The following ZNF282 variants were observed in gnomAD, a reference collection of about 807,000 sequenced individuals.
ZNF282 encodes the protein zinc finger protein 282, also known as HTLV-I U5 repressive element-binding protein 1.
ZNF282 carries 30 observed loss-of-function variants against 61.9 expected under a neutral mutation model. The observed-to-expected ratio is 0.48, with a 90% CI of 0.36 to 0.66. The LOEUF (loss-of-function observed/expected upper bound fraction) is 0.66. Ranked by LOEUF, ZNF282 falls within the 30% of genes least tolerant of loss-of-function variation. ZNF282 has a pLI of 0.00. For synonymous variants in ZNF282, 396 were observed against 405.0 expected (o/e 0.98, Z 0.27); for missense variants, 788 against 941.4 (o/e 0.84, Z 2.13).
chr7:149,215,008 T>G (rs1254650507), intron 7 of ZNF282, among the ~76,000 whole-genome samples: 1 of 152,080 alleles, frequency 6.6e-6, no homozygotes, highest in African/African-American at 2.4e-5. Flanking sequence ...TTTCTGAAGC[T>G]CCCTTATTGA....
At chr7:149,207,093 C>T (rs995439052) in intron 3 of ZNF282, among the ~76,000 whole-genome samples, 1 of 152,196 alleles carries the variant, frequency 6.6e-6, no homozygotes, top group African/African-American at 2.4e-5. Context: ...CGCACCTCAC[C>T]ACGCACCACA....
In ZNF282 at chr7:149,225,847, C is replaced by G. The variant is rs1356303445; in HGVS notation, c.*1200C>G. ...CTCGGGAAGCGCCCAAAGGATTCCC[C>G]TTCACGTTGGTGCACCTGCTCCATA... On this transcript the variant is annotated 3_prime_UTR_variant, in exon 8 of 8. Coordinates refer to ENST00000610704, the MANE Select transcript of ZNF282 (RefSeq NM_003575.4). The G allele has an allele frequency of 1.3e-5, 2 of 152,748 alleles. No homozygotes were observed. The highest frequency in any genetic ancestry group is 2.9e-5 in the Non-Finnish European group (2 of 68,124). 9.5% of individuals were successfully genotyped at this position (152,748 alleles called of 1,614,324 possible).
chr7:149,201,760 C>A (rs574462649), intron 2 of ZNF282, among the ~76,000 whole-genome samples: 13 of 152,066 alleles, frequency 8.5e-5, no homozygotes, highest in African/African-American at 2.7e-4. Flanking sequence ...TTAAAAAAAA[C>A]CCAAAAAACA....
rs114888215 is a variant in ZNF282, at chr7:149,207,496, G to T, written c.832+26G>T. The stretch of plus-strand genomic sequence containing the variant: ...GTGATGGCAGCAGAAGAGAGTGCGG[G>T]GTCCAGGGAAGGGCGAGAGAGGACA... On this transcript the variant is annotated intron_variant, in intron 4 of 7. Coordinates refer to ENST00000610704, the MANE Select transcript of ZNF282 (RefSeq NM_003575.4). The T allele has an allele frequency of 1.4e-3, 2,175 of 1,555,840 alleles. 8 individuals are homozygous for T. The Middle Eastern group carries it at 0.02, about 14-fold the overall frequency.
chr7:149,225,090 G>A lies in ZNF282; in HGVS notation c.*443G>A, dbSNP rs1344749813. The A allele has an allele frequency of 1.1e-5, 2 of 183,186 alleles. No individual in the cohort carries two copies. The highest frequency in any genetic ancestry group is 2.4e-5 in the African/African-American group (1 of 42,290). The allele number at this position is 183,186 out of a possible 1,614,324, so 11.3% of individuals were successfully genotyped here. ...ACCTTCATGATGACAACACTGCCTC[G>A]CGTTTCAATAGCGCTTTATACTTTT... is the stretch of plus-strand genomic sequence containing the variant. On this transcript the variant is annotated 3_prime_UTR_variant, in exon 8 of 8. Transcript: ENST00000610704.
rs781419599 is a variant in ZNF282 at position 149,198,545 on chromosome 7, G to T, written c.378G>T (p.Thr126=). 4 of 1,614,222 alleles carry T rather than the reference G, an allele frequency of 2.5e-6. No individual in the cohort carries two copies. The highest frequency in any genetic ancestry group is 4.5e-5 in the East Asian group (2 of 44,890). The change falls in exon 2 of 8, where the codon ACG becomes ACT. Residue 126 remains threonine (T), a synonymous_variant. Transcript: ENST00000610704. This position sits in a 1 kb window ranked among gnomAD's most constrained non-coding sequence, Gnocchi z 4.3. The part of the protein sequence containing the change: ...ASQLLNLEGR[T]GTAEKKLADC... ...AGCTGCTGAACCTGGAGGGGCGCACGGGGACAGCCGAGAAGAAGCTGGCCG... is the reference window on the plus strand; with the variant it reads ...AGCTGCTGAACCTGGAGGGGCGCACTGGGACAGCCGAGAAGAAGCTGGCCG...
At chr7:149,213,870 A>T (rs1255370971) in intron 7 of ZNF282, 56 bp downstream of exon 7, 2 of 1,310,766 alleles carry the variant, frequency 1.5e-6, no homozygotes, top group Admixed American at 1.9e-5. Context: ...TGTACAGCTG[A>T]GGCGTGGACG....
chr7:149,205,275 T>TA (rs1383151929), intron 2 of ZNF282, among the ~76,000 whole-genome samples: 11 of 146,466 alleles, frequency 7.5e-5, no homozygotes, highest in African/African-American at 2.3e-4. Context: ...CCGTCTCTAC[T>TA]AAAAATACAA....
chr7:149,202,556 T>C (rs1795928586), intron 2 of ZNF282, among the ~76,000 whole-genome samples: 1 of 152,110 alleles, frequency 6.6e-6, no homozygotes, highest in East Asian at 1.9e-4. Flanking sequence ...CCTCGTGATC[T>C]GCCCGCCTTG....
In ZNF282 at chr7:149,224,629, G is replaced by GCCTCCT. The variant is rs1697551234; in HGVS notation, c.1999_2004dup (p.Pro667_Pro668dup). On this transcript the variant is annotated inframe_insertion, in exon 8 of 8. Coordinates refer to ENST00000610704, the MANE Select transcript of ZNF282 (RefSeq NM_003575.4). ...CCGGCGCCCCACGGCAGCTCCCGCC[G>GCCTCCT]CCTCCTGAGCGAGACTAGGGCTGGG... 6 of 1,529,426 alleles carry GCCTCCT rather than the reference G, an allele frequency of 3.9e-6. No individual in the cohort carries two copies. The South Asian group carries it at 7.2e-5, about 18-fold the overall frequency. 94.7% of individuals were successfully genotyped at this position (1,529,426 alleles called of 1,614,324 possible). A position where few individuals can be genotyped will look rare whatever the true frequency, so the allele number is the denominator to read the frequency against.
chr7:149,215,180 T>C (rs1796143533), intron 7 of ZNF282, among the ~76,000 whole-genome samples: 1 of 147,952 alleles, frequency 6.8e-6, no homozygotes, highest in African/African-American at 2.5e-5. Flanking sequence ...GTGTTCCCTG[T>C]CCATATTTCC....
Position 149,206,831 on chromosome 7 carries a change from A to G in ZNF282, c.712+9A>G, listed in dbSNP as rs886831442. 6.2e-7 allele frequency: 1 copy of G among 1,613,876 alleles called. No homozygotes were observed. Among genetic ancestry groups the G allele is most frequent in the Middle Eastern group, 1.6e-4 (1 of 6,062 alleles). On this transcript the variant is annotated intron_variant, in intron 3 of 7. Transcript: ENST00000610704. ...AACCCTCATGTCCCTGGGTAAGGACACCTTCTCTCCTCTTTGGTGAGCCAT... is the reference window on the plus strand; with the variant it reads ...AACCCTCATGTCCCTGGGTAAGGACGCCTTCTCTCCTCTTTGGTGAGCCAT...
intron 6 of ZNF282, among the ~76,000 whole-genome samples, chr7:149,213,379 G>T (rs926343731): frequency 4.6e-5 from 7 of 152,186 alleles, no homozygotes; most frequent in Non-Finnish European, 8.8e-5. Flanking sequence ...GTTATCTGGG[G>T]CTTTCTTCTG....
At chr7:149,219,046 T>G (rs1796199273) in intron 7 of ZNF282, among the ~76,000 whole-genome samples, 1 of 152,178 alleles carries the variant, frequency 6.6e-6, no homozygotes, top group Non-Finnish European at 1.5e-5. Flanking sequence ...TTGGGGCTTC[T>G]TTATATAGAT....
chr7:149,200,031 A>G (rs1218318554), intron 2 of ZNF282, among the ~76,000 whole-genome samples: 3 of 152,184 alleles, frequency 2.0e-5, no homozygotes, highest in African/African-American at 4.8e-5. Flanking sequence ...TTAGGATTCA[A>G]GTAATGTCCA....
intron 5 of ZNF282, among the ~76,000 whole-genome samples, chr7:149,212,123 G>T (rs1266606227): frequency 1.3e-5 from 2 of 152,224 alleles, no homozygotes; most frequent in East Asian, 3.9e-4. Flanking sequence ...GCACAGAAAG[G>T]CTCTTTCTTA....
At chr7:149,203,949 ATTAT>A (rs1795953454) in intron 2 of ZNF282, among the ~76,000 whole-genome samples, 1 of 152,294 alleles carries the variant, frequency 6.6e-6, no homozygotes, top group Non-Finnish European at 1.5e-5. Context: ...CTAAAAAATA[ATTAT>A]TTATCATCTC....
chr7:149,226,185 C>T lies in ZNF282; in HGVS notation c.*1538C>T, dbSNP rs1180161341. On this transcript the variant is annotated 3_prime_UTR_variant, in exon 8 of 8. Transcript: ENST00000610704. ...GTATCCAGATTGCAGACTGCATGTT[C>T]ACAGAGCTGGGGGTTCTCCAGCTTG... The T allele has an allele frequency of 6.6e-6, 1 of 152,662 alleles. No homozygotes were observed. Among genetic ancestry groups the T allele is most frequent in the Non-Finnish European group, 1.5e-5 (1 of 68,056 alleles). 9.5% of individuals were successfully genotyped at this position (152,662 alleles called of 1,614,324 possible).
rs546264819 is a variant in ZNF282 at position 149,224,181 on chromosome 7, C to T, written c.1550C>T (p.Pro517Leu). 5 of 1,601,834 alleles carry T rather than the reference C, an allele frequency of 3.1e-6. No homozygotes were observed. In the South Asian group the frequency reaches 4.4e-5, roughly 14 times the overall value. The change falls in exon 8 of 8, where the codon CCC (proline) becomes CTC (leucine). Residue 517 changes from proline to leucine, a missense_variant. Around this residue, in one of 3 missense-constraint regions of ZNF282, gnomAD observed 559 missense variants for 642.0 expected, o/e 0.87. Transcript: ENST00000610704. ...SLLLHGARSK[P>L]YSCPECGKSF... is the part of the protein sequence containing the mutation. ...CTCCTGCACGGCGCCCGCAGCAAGCCCTACTCGTGCCCCGAGTGCGGCAAG... is the reference window on the plus strand; with the variant it reads ...CTCCTGCACGGCGCCCGCAGCAAGCTCTACTCGTGCCCCGAGTGCGGCAAG...
Sources: gnomAD v4.1 joint callset for allele counts (sites outside exome capture counted in the v4.1 genomes callset) on GRCh38, gnomAD v4.1.1 for gene constraint, gnomAD v4.1.1 regional missense constraint, Gnocchi (gnomAD v3.1) non-coding constraint, MANE v1.5 for transcripts, NCBI Gene and HGNC (gene_info 2026-07-23, HGNC 2026-07-21) for gene names.